Variants in CACNA1D observed in about 807,000 individuals in gnomAD.
The protein encoded by CACNA1D is calcium voltage-gated channel subunit alpha1 D.
CACNA1D carries 55 observed loss-of-function variants against 257.1 expected under a neutral mutation model. The observed-to-expected ratio is 0.21, with a 90% confidence interval of 0.17 to 0.27. The LOEUF (loss-of-function observed/expected upper bound fraction) is 0.27. Among genes scored for constraint, CACNA1D ranks in the 10% least tolerant of loss-of-function variants. CACNA1D has a pLI of 1.00. For missense variants in CACNA1D, 1,876 were observed against 2,784.0 expected, an observed-to-expected ratio of 0.67 and a Z score of 7.34; for synonymous variants, 980 against 1,014.9, an observed-to-expected ratio of 0.97 and a Z score of 0.65.
chr3:53,522,343 T>G (rs533428412), intron 3 of CACNA1D, among the ~76,000 whole-genome samples: 1 of 152,286 alleles, frequency 6.6e-6, no homozygotes, highest in East Asian at 1.9e-4. Context: ...TGCTCAGGCT[T>G]CTTCTTTATG....
chr3:53,614,736 G>A (rs1369693020), intron 3 of CACNA1D, among the ~76,000 whole-genome samples: 1 of 152,160 alleles, frequency 6.6e-6, no homozygotes, highest in African/African-American at 2.4e-5. Context: ...CGTCCCTTTT[G>A]TGTGAACTCC....
chr3:53,638,822 G>A (rs1192551444), intron 3 of CACNA1D, among the ~76,000 whole-genome samples: 2 of 152,236 alleles, frequency 1.3e-5, no homozygotes, highest in Non-Finnish European at 2.9e-5. Context: ...CCCAACAGCT[G>A]TGATTGGGTA....
chr3:53,739,609 G>C (rs2095094913), intron 20 of CACNA1D, among the ~76,000 whole-genome samples: 1 of 152,200 alleles, frequency 6.6e-6, no homozygotes, highest in Non-Finnish European at 1.5e-5. Context: ...AGTGGGCCCA[G>C]CAAGGTTTTT....
intron 2 of CACNA1D, 41 bp downstream of exon 2, chr3:53,497,502 T>A: frequency 6.3e-7 from 1 of 1,592,570 alleles, no homozygotes; most frequent in East Asian, 2.2e-5. Flanking sequence ...TTTTCTCTTT[T>A]ACCATCTGTT....
At chr3:53,643,112 G>A (rs1425793686) in intron 3 of CACNA1D, among the ~76,000 whole-genome samples, 1 of 152,122 alleles carries the variant, frequency 6.6e-6, no homozygotes, top group African/African-American at 2.4e-5. Context: ...ATTAGACTTG[G>A]GGGACACAAA....
At chr3:53,677,305 C>A (rs561236149) in intron 8 of CACNA1D, among the ~76,000 whole-genome samples, 1 of 152,152 alleles carries the variant, frequency 6.6e-6, no homozygotes, top group Non-Finnish European at 1.5e-5. Context: ...ACTTGGGTTC[C>A]GTCCTGCTGG....
Position 53,763,699 on chromosome 3 carries a change from C to T in CACNA1D, c.3870+1618C>T, listed in dbSNP as rs147252722. ...TGGTGCCCAGACAGCCTGCATCACA[C>T]AAGGACTGTGAAATCCCTGTATGCC... On this transcript the variant is annotated intron_variant, in intron 30 of 47. Transcript: ENST00000350061. 4.4e-3 allele frequency among the ~76,000 whole-genome samples: 677 copies of T among 152,308 alleles called. 4 individuals carry two copies. The highest frequency in any genetic ancestry group is 0.015 in the African/African-American group (636 of 41,564).
At chr3:53,733,321 G>T (rs543098692) in intron 19 of CACNA1D, among the ~76,000 whole-genome samples, 1 of 152,174 alleles carries the variant, frequency 6.6e-6, no homozygotes, top group African/African-American at 2.4e-5. Flanking sequence ...TCCATGCTTC[G>T]GCCAGCCGTG....
At chr3:53,724,063 C>A in intron 14 of CACNA1D, 64 bp downstream of exon 14, 1 of 1,253,514 alleles carries the variant, frequency 8.0e-7, no homozygotes, top group Non-Finnish European at 1.2e-6. Context: ...CCTCTGCCTT[C>A]TTGTCTGCTC....
intron 3 of CACNA1D, among the ~76,000 whole-genome samples, chr3:53,508,835 A>G (rs1439603375): frequency 6.6e-6 from 1 of 152,212 alleles, no homozygotes; most frequent in Non-Finnish European, 1.5e-5. Context: ...CTCACCAAAG[A>G]AAGTTCCTAA....
At chr3:53,707,794 T>TAAAA (rs112419673) in intron 9 of CACNA1D, among the ~76,000 whole-genome samples, 6 of 146,964 alleles carry the variant, frequency 4.1e-5, no homozygotes, top group Non-Finnish European at 4.5e-5. Flanking sequence ...TGATTAGTCT[T>TAAAA]AAAAAAAAAA....
intron 26 of CACNA1D, among the ~76,000 whole-genome samples, chr3:53,748,047 A>G (rs1257179590): frequency 6.6e-6 from 1 of 152,144 alleles, no homozygotes; most frequent in East Asian, 1.9e-4. Flanking sequence ...CTCAAGCCCA[A>G]ATCAAATCAG....
intron 3 of CACNA1D, among the ~76,000 whole-genome samples, chr3:53,629,070 G>T (rs911253983): frequency 3.9e-5 from 6 of 152,216 alleles, no homozygotes; most frequent in African/African-American, 1.4e-4. Flanking sequence ...TGTGGTTTCT[G>T]TCACGGCTAC....
intron 3 of CACNA1D, among the ~76,000 whole-genome samples, chr3:53,550,678 C>G (rs1163321694): frequency 2.0e-5 from 3 of 152,162 alleles, no homozygotes; most frequent in Non-Finnish European, 4.4e-5. Context: ...TTGAGTTTCT[C>G]TCTTGCTGTC....
chr3:53,729,734 G>A (rs116639394), intron 15 of CACNA1D, among the ~76,000 whole-genome samples: 2,094 of 152,206 alleles, frequency 0.014, 57 homozygotes, highest in African/African-American at 0.047. Context: ...AATGAGCCTC[G>A]GGAAGCAATT....
At chr3:53,745,448 CCAGGCTGGTCT>C (rs2108841426) in intron 23 of CACNA1D, among the ~76,000 whole-genome samples, 165 bp from the exon 24 acceptor site, 1 of 152,158 alleles carries the variant, frequency 6.6e-6, no homozygotes, top group Admixed American at 6.5e-5. Context: ...ACCATGTTGG[CCAGGCTGGTCT>C]CAAACTCCTG....
At chr3:53,597,058 A>G (rs2093379800) in intron 3 of CACNA1D, among the ~76,000 whole-genome samples, 1 of 152,230 alleles carries the variant, frequency 6.6e-6, no homozygotes, top group Non-Finnish European at 1.5e-5. Context: ...AAAGAAATAT[A>G]CAATTATTTA....
intron 40 of CACNA1D, among the ~76,000 whole-genome samples, chr3:53,798,306 T>C (rs62250901): frequency 0.02 from 2,574 of 125,738 alleles, 32 homozygotes; most frequent in Non-Finnish European, 0.035. Flanking sequence ...TGTGTATGTG[T>C]GCGTGTGTGT....
At chr3:53,676,369 A>T (rs565018332) in intron 8 of CACNA1D, among the ~76,000 whole-genome samples, 5 of 151,882 alleles carry the variant, frequency 3.3e-5, no homozygotes, top group South Asian at 2.1e-4. Flanking sequence ...AATTATTATT[A>T]TTTTTTTAAA....
Sources: allele counts gnomAD v4.1 joint callset (sites outside exome capture counted in the v4.1 genomes callset), GRCh38; gene constraint gnomAD v4.1.1; transcripts MANE v1.5; gene names NCBI Gene and HGNC (gene_info 2026-07-23, HGNC 2026-07-21).